SMYD3: variants seen among roughly 807,000 people sequenced by gnomAD.
The protein encoded by SMYD3 is SET and MYND domain containing 3.
In SMYD3, 36 loss-of-function variants were observed where a neutral mutation model predicts 57.7. The observed-to-expected ratio is 0.62, with a 90% CI of 0.48 to 0.82. The LOEUF (loss-of-function observed/expected upper bound fraction) is 0.82, where lower values mean the gene tolerates loss of function less well. Among genes scored for constraint, SMYD3 ranks in the 40% least tolerant of loss-of-function variants. SMYD3 has a pLI of 0.00. For missense variants in SMYD3, 515 were observed against 538.8 expected, an observed-to-expected ratio of 0.96 and a Z score of 0.44; for synonymous variants, 211 against 195.0, an observed-to-expected ratio of 1.08 and a Z score of -0.68.
chr1:245,993,579 A>AAGATAGATAGATAGATAGAT (rs1210624302), intron 5 of SMYD3, among the ~76,000 whole-genome samples: 1 of 30,076 alleles, frequency 3.3e-5, no homozygotes, highest in African/African-American at 6.7e-5. Flanking sequence ...AAAAAAAAAA[A>AAGATAGATAGATAGATAGAT]AGATAGATAG....
At chr1:246,362,673 G>T (rs12732461) in intron 1 of SMYD3, among the ~76,000 whole-genome samples, 69,319 of 146,590 alleles carry the variant, frequency 0.47, 14,289 homozygotes, top group Middle Eastern at 0.63. Flanking sequence ...GTGTTGGCCG[G>T]GCTGGTCTCC....
chr1:245,784,843 ATTTTTT>A (rs74163079), intron 10 of SMYD3, among the ~76,000 whole-genome samples: 6 of 115,706 alleles, frequency 5.2e-5, no homozygotes, highest in South Asian at 5.2e-4. Context: ...TTTAGACTGA[ATTTTTT>A]TTTTTTTTTT....
At chr1:245,817,801 T>C (rs1306787988) in intron 10 of SMYD3, among the ~76,000 whole-genome samples, 1 of 151,934 alleles carries the variant, frequency 6.6e-6, no homozygotes, top group Non-Finnish European at 1.5e-5. Context: ...GTATCAGTGA[T>C]GGAAGATGAA....
At chr1:246,058,596 T>G (rs2060196188) in intron 5 of SMYD3, among the ~76,000 whole-genome samples, 2 of 152,270 alleles carry the variant, frequency 1.3e-5, no homozygotes, top group Admixed American at 6.5e-5. Context: ...CTCAAACATT[T>G]GGAAGATTGT....
At chr1:246,496,197 C>T (rs535796222) in intron 1 of SMYD3, among the ~76,000 whole-genome samples, 16 of 151,566 alleles carry the variant, frequency 1.1e-4, no homozygotes, top group South Asian at 1.0e-3. Context: ...CCACCACGCC[C>T]GGCTAATTTT....
chr1:246,222,740 T>C (rs1381273827), intron 5 of SMYD3, among the ~76,000 whole-genome samples: 2 of 152,162 alleles, frequency 1.3e-5, no homozygotes, highest in African/African-American at 2.4e-5. Context: ...AACTGAAGGA[T>C]GCAAAGAACT....
intron 5 of SMYD3, among the ~76,000 whole-genome samples, chr1:246,015,638 C>T (rs951571325): frequency 6.6e-6 from 1 of 152,144 alleles, no homozygotes; most frequent in Admixed American, 6.5e-5. Flanking sequence ...CCCGCCATTC[C>T]GTCTCTATGA....
intron 10 of SMYD3, among the ~76,000 whole-genome samples, chr1:245,840,997 T>C (rs1452401244): frequency 6.6e-6 from 1 of 152,212 alleles, no homozygotes; most frequent in Admixed American, 6.5e-5. Context: ...AGACCGTGAG[T>C]TGTCCAGTTA....
intron 8 of SMYD3, among the ~76,000 whole-genome samples, chr1:245,878,899 A>G (rs933564691): frequency 1.3e-5 from 2 of 152,224 alleles, no homozygotes; most frequent in Admixed American, 1.3e-4. Flanking sequence ...GCAGAGAAAG[A>G]AGGGAAGCTG....
chr1:245,884,335 C>T lies in SMYD3; in HGVS notation c.814-20449G>A, dbSNP rs76630024. The stretch of plus-strand genomic sequence containing the variant: ...CAGACACACAAAGTGATTTTGAGAA[C>T]GGAGGTTTAATGGGCAAAAGAAAGA... On this transcript the variant is annotated intron_variant, in intron 8 of 11. Coordinates refer to ENST00000490107, the MANE Select transcript of SMYD3 (RefSeq NM_001167740.2). Among the ~76,000 whole-genome samples, 525 of 152,162 alleles carry T rather than the reference C, an allele frequency of 3.5e-3. 7 individuals carry two copies. In the East Asian group the frequency reaches 0.047, roughly 14 times the overall value.
chr1:245,835,957 G>A (rs1235171153), intron 10 of SMYD3, among the ~76,000 whole-genome samples: 1 of 152,142 alleles, frequency 6.6e-6, no homozygotes, highest in Non-Finnish European at 1.5e-5. Flanking sequence ...TGCTTTGCTA[G>A]TTAATGCTCT....
chr1:246,160,686 T>C (rs2062102726), intron 5 of SMYD3, among the ~76,000 whole-genome samples: 2 of 152,150 alleles, frequency 1.3e-5, no homozygotes, highest in African/African-American at 4.8e-5. Context: ...ACATGACGTC[T>C]CTCATGATTT....
chr1:246,229,797 T>C (rs375307253), intron 5 of SMYD3, among the ~76,000 whole-genome samples: 3 of 152,352 alleles, frequency 2.0e-5, no homozygotes, highest in Admixed American at 6.5e-5. Context: ...AATACTGATA[T>C]AGTGGCAATT....
At position 246,101,027 on chromosome 1, in the gene SMYD3, T is replaced by G. The variant is rs142247802; in HGVS notation, c.532-171090A>C. ...ACTAGATAAATCGTCATAGCTTGTTTAAATGAATACATCACTAGTAATATG... is the reference window on the plus strand; with the variant it reads ...ACTAGATAAATCGTCATAGCTTGTTGAAATGAATACATCACTAGTAATATG... On this transcript the variant is annotated intron_variant, in intron 5 of 11. Transcript: ENST00000490107. Among the ~76,000 whole-genome samples, 1,062 of 151,248 alleles carry G rather than the reference T, an allele frequency of 7.0e-3. 5 individuals carry two copies. The highest frequency in any genetic ancestry group is 0.011 in the Admixed American group (163 of 15,196).
At chr1:245,815,420 C>G (rs2148309589) in intron 10 of SMYD3, among the ~76,000 whole-genome samples, 1 of 152,348 alleles carries the variant, frequency 6.6e-6, no homozygotes. Context: ...TCTAGTTTTT[C>G]TCAAAGTGGA....
At chr1:245,848,178 T>C (rs1286310161) in intron 10 of SMYD3, among the ~76,000 whole-genome samples, 1 of 152,008 alleles carries the variant, frequency 6.6e-6, no homozygotes, top group Non-Finnish European at 1.5e-5. Flanking sequence ...TGGTTCACTG[T>C]AGCCTCGACC....
At chr1:245,902,435 A>G (rs1226515494) in intron 8 of SMYD3, among the ~76,000 whole-genome samples, 1 of 152,202 alleles carries the variant, frequency 6.6e-6, no homozygotes, top group Non-Finnish European at 1.5e-5. Flanking sequence ...CCCCATCTGT[A>G]TCCTATCTGG....
chr1:246,023,524 A>G (rs2059511696), intron 5 of SMYD3, among the ~76,000 whole-genome samples: 1 of 151,838 alleles, frequency 6.6e-6, no homozygotes, highest in African/African-American at 2.4e-5. Flanking sequence ...AATCATTACT[A>G]TTTTAGCATT....
At chr1:245,794,339 T>A (rs2047432301) in intron 10 of SMYD3, among the ~76,000 whole-genome samples, 1 of 152,242 alleles carries the variant, frequency 6.6e-6, no homozygotes, top group Non-Finnish European at 1.5e-5. Context: ...TGAGAGACAG[T>A]TTAACTATAG....
Sources: allele counts gnomAD v4.1 joint callset (sites outside exome capture counted in the v4.1 genomes callset), GRCh38; gene constraint gnomAD v4.1.1; transcripts MANE v1.5; gene names NCBI Gene and HGNC (gene_info 2026-07-23, HGNC 2026-07-21).